The following BACH1 variants were observed in gnomAD, a reference collection of about 807,000 sequenced individuals.
BACH1 encodes BTB domain and CNC homolog 1.
A neutral mutation model predicts 52.9 loss-of-function variants in BACH1; 35 were observed. The ratio of observed to expected loss-of-function variants is 0.66; its 90% CI spans 0.51 to 0.88. The LOEUF is 0.88. BACH1 is among the 40% of genes least tolerant of loss of function. BACH1 has a pLI of 0.00. For missense variants in BACH1, 808 were observed against 872.6 expected, an observed-to-expected ratio of 0.93 and a Z score of 0.93; for synonymous variants, 321 against 319.6, an observed-to-expected ratio of 1.00 and a Z score of -0.05.
chr21:29,338,151 C>T (rs2089067768), intron 4 of BACH1, among the ~76,000 whole-genome samples: 1 of 152,110 alleles, frequency 6.6e-6, no homozygotes, highest in African/African-American at 2.4e-5. Context: ...AAGTCAGTTT[C>T]CAAAAACCTG....
intron 1 of BACH1, among the ~76,000 whole-genome samples, chr21:29,320,724 C>T (rs998475201): frequency 3.3e-5 from 5 of 152,174 alleles, no homozygotes; most frequent in Non-Finnish European, 5.9e-5. Context: ...AATTCACTTG[C>T]CATCTATCAG....
intron 2 of BACH1, among the ~76,000 whole-genome samples, chr21:29,360,054 T>A (rs1439850104): frequency 6.6e-6 from 1 of 152,220 alleles, no homozygotes; most frequent in Non-Finnish European, 1.5e-5. Context: ...GAATGAAACC[T>A]TTTGTCCCTT....
At chr21:29,334,883 C>G (rs781586272) in intron 4 of BACH1, among the ~76,000 whole-genome samples, 1 of 152,194 alleles carries the variant, frequency 6.6e-6, no homozygotes, top group African/African-American at 2.4e-5. Flanking sequence ...ACTGGCTGCT[C>G]AACCAAAGCG....
At chr21:29,327,651 G>A (rs1166872322) in intron 3 of BACH1, among the ~76,000 whole-genome samples, 3 of 152,108 alleles carry the variant, frequency 2.0e-5, no homozygotes, top group Non-Finnish European at 2.9e-5. Flanking sequence ...CCAACATGGC[G>A]AATCTCCGTC....
chr21:29,328,310 A>T (rs2123451362), intron 3 of BACH1, among the ~76,000 whole-genome samples: 1 of 152,302 alleles, frequency 6.6e-6, no homozygotes, highest in South Asian at 2.1e-4. Context: ...TTTGTATTTG[A>T]TAGATCCTTT....
intron 2 of BACH1, among the ~76,000 whole-genome samples, chr21:29,355,826 A>G (rs1203560807): frequency 2.0e-5 from 3 of 152,226 alleles, no homozygotes; most frequent in Non-Finnish European, 4.4e-5. Flanking sequence ...AGAGGTTGGT[A>G]TAAGAGTTTT....
intron 1 of BACH1, among the ~76,000 whole-genome samples, chr21:29,303,285 C>T (rs1468810182): frequency 6.6e-6 from 1 of 152,170 alleles, no homozygotes; most frequent in Non-Finnish European, 1.5e-5. Flanking sequence ...GTTAGTAATT[C>T]AGAAAGGTTG....
At chr21:29,325,099 A>G (rs1005703453) in intron 2 of BACH1, among the ~76,000 whole-genome samples, 4 of 152,116 alleles carry the variant, frequency 2.6e-5, no homozygotes, top group African/African-American at 9.7e-5. Flanking sequence ...GCATGGTGGC[A>G]GGCACCTGTA....
At chr21:29,319,306 T>G (rs1379530036) in intron 1 of BACH1, among the ~76,000 whole-genome samples, 7 of 152,136 alleles carry the variant, frequency 4.6e-5, no homozygotes, top group African/African-American at 1.7e-4. Context: ...AGACAGGGTC[T>G]TAAGAGAAGG....
chr21:29,331,376 A>C (rs2088980291), intron 4 of BACH1, among the ~76,000 whole-genome samples: 1 of 152,242 alleles, frequency 6.6e-6, no homozygotes, highest in South Asian at 2.1e-4. Context: ...AAATAAAAAT[A>C]AAAGCGAAAC....
chr21:29,312,412 A>G lies in BACH1; in HGVS notation c.-60-8809A>G, dbSNP rs2088736159. ...GAGGATACCCACTGTCACCACTCTC[A>G]CTATTCGGTCATTGCAATAAGGGAA... On this transcript the variant is annotated intron_variant, in intron 1 of 4. Coordinates refer to ENST00000286800, the MANE Select transcript of BACH1 (RefSeq NM_001186.4). Among the ~76,000 whole-genome samples, 2 of 152,272 alleles carry G rather than the reference A, an allele frequency of 1.3e-5. 1 individual carries two copies. Among genetic ancestry groups the G allele is most frequent in the South Asian group, 4.1e-4 (2 of 4,824 alleles).
chr21:29,361,380 A>G (rs529246547), intron 2 of BACH1: 1 of 152,286 alleles, frequency 6.6e-6, no homozygotes, highest in South Asian at 2.1e-4. Context: ...TTGCAAATCA[A>G]TCAATACTTA....
intron 2 of BACH1, among the ~76,000 whole-genome samples, chr21:29,354,452 A>G (rs2027605): frequency 0.48 from 72,582 of 151,926 alleles, 17,801 homozygotes; most frequent in Middle Eastern, 0.54. Context: ...CCAGTAAGAA[A>G]CCACGGCTGT....
intron 1 of BACH1, among the ~76,000 whole-genome samples, chr21:29,314,462 A>G (rs1387330265): frequency 1.3e-5 from 2 of 152,230 alleles, no homozygotes; most frequent in African/African-American, 2.4e-5. Flanking sequence ...AGACCCAGCA[A>G]CTATAACAAA....
At chr21:29,305,700 G>C (rs1410442341) in intron 1 of BACH1, among the ~76,000 whole-genome samples, 1 of 152,184 alleles carries the variant, frequency 6.6e-6, no homozygotes, top group Admixed American at 6.5e-5. Flanking sequence ...AAGGCACTGT[G>C]TTCTCTTTTC....
rs1228934529 is a variant in BACH1, at chr21:29,345,921, AT to A, written c.*3095del. 6.6e-6 allele frequency: 1 copy of A among 152,618 alleles called. No homozygotes were observed. The highest frequency in any genetic ancestry group is 1.5e-5 in the Non-Finnish European group (1 of 68,030). The allele number at this position is 152,618 out of a possible 1,614,324, so 9.5% of individuals were successfully genotyped here. ...TTATAAAAGAAGCAGAAAAACATTG[AT>A]TTTTTTATATCTTTCATAATATAAT... On this transcript the variant is annotated 3_prime_UTR_variant, in exon 5 of 5. Transcript: ENST00000286800.
At chr21:29,349,386 T>G (rs1428609937), downstream of BACH1, among the ~76,000 whole-genome samples, 1 of 152,202 alleles carries the variant, frequency 6.6e-6, no homozygotes, top group Non-Finnish European at 1.5e-5. Context: ...AGTCTGCTTT[T>G]CCCCTGGAAA....
rs910831852 is a variant in BACH1, at chr21:29,321,321, C to T, written c.41C>T (p.Ser14Phe). 1 of 1,614,184 alleles carries T rather than the reference C, an allele frequency of 6.2e-7. No homozygotes were observed. ...AACTCGGTTTTTGCCTATGAATCTTCTGTGCATAGCACCAATGTTTTACTC... is the reference window on the plus strand; with the variant it reads ...AACTCGGTTTTTGCCTATGAATCTTTTGTGCATAGCACCAATGTTTTACTC... ...SENSVFAYES[S>F]VHSTNVLLSL... Residue 14 changes from serine (S) to phenylalanine (F), a missense_variant, in exon 2 of 5, where the codon TCT becomes TTT. Physicochemically the swap from Ser to Phe is radical, Grantham distance 155. Transcript: ENST00000286800.
At chr21:29,354,413 G>A (rs1331456776) in intron 2 of BACH1, among the ~76,000 whole-genome samples, 1 of 152,192 alleles carries the variant, frequency 6.6e-6, no homozygotes, top group Non-Finnish European at 1.5e-5. Flanking sequence ...AGAGTGGATT[G>A]TGGAGTGGGA....
Sources: allele counts gnomAD v4.1 joint callset (sites outside exome capture counted in the v4.1 genomes callset), GRCh38; gene constraint gnomAD v4.1.1; transcripts MANE v1.5; gene names NCBI Gene and HGNC (gene_info 2026-07-23, HGNC 2026-07-21).